Variants in ST8SIA6 observed in about 807,000 individuals in gnomAD.
ST8SIA6 encodes ST8 alpha-N-acetyl-neuraminide alpha-2,8-sialyltransferase 6, also known as alpha-2,8-sialyltransferase 8F.
Under a neutral mutation model 33.6 loss-of-function variants are expected in ST8SIA6, and 39 were observed. The observed-to-expected ratio is 1.16, with a 90% CI of 0.90 to 1.52. The LOEUF (loss-of-function observed/expected upper bound fraction) is 1.52. Ranked by LOEUF, ST8SIA6 falls within the 40% of genes most tolerant of loss-of-function variation. ST8SIA6 has a pLI of 0.00. For missense variants in ST8SIA6, 441 were observed against 443.8 expected, an observed-to-expected ratio of 0.99 and a Z score of 0.06; for synonymous variants, 172 against 167.2, an observed-to-expected ratio of 1.03 and a Z score of -0.22.
intron 4 of ST8SIA6, among the ~76,000 whole-genome samples, chr10:17,344,917 T>C (rs911759358): frequency 1.3e-5 from 2 of 152,190 alleles, no homozygotes; most frequent in African/African-American, 2.4e-5. Flanking sequence ...AAAGATAGGA[T>C]ATCTTTTCAC....
intron 2 of ST8SIA6, among the ~76,000 whole-genome samples, chr10:17,440,130 C>T (rs914460188): frequency 6.6e-6 from 1 of 152,066 alleles, no homozygotes; most frequent in African/African-American, 2.4e-5. Flanking sequence ...AATTACTCCA[C>T]AACTCCTGGA....
intron 3 of ST8SIA6, among the ~76,000 whole-genome samples, chr10:17,376,141 G>T (rs1849910669): frequency 6.6e-6 from 1 of 152,152 alleles, no homozygotes; most frequent in Non-Finnish European, 1.5e-5. Flanking sequence ...GTCCCAGATG[G>T]CAGAGAATGG....
Position 17,388,680 on chromosome 10 carries a change from G to C in ST8SIA6, c.290+1851C>G, listed in dbSNP as rs575081957. On this transcript the variant is annotated intron_variant, in intron 3 of 7. Transcript: ENST00000377602. ...TAACTGAGGAAATTATGACATGAAAGAAATCAGACCTAACTGACTACATCT... is the reference window on the plus strand; with the variant it reads ...TAACTGAGGAAATTATGACATGAAACAAATCAGACCTAACTGACTACATCT... Among the ~76,000 whole-genome samples the C allele has an allele frequency of 1.2e-4, 19 of 152,260 alleles. No homozygotes were observed. The East Asian group carries it at 3.3e-3, about 26-fold the overall frequency.
At chr10:17,334,266 G>A (rs774701011) in intron 4 of ST8SIA6, among the ~76,000 whole-genome samples, 10 of 151,776 alleles carry the variant, frequency 6.6e-5, no homozygotes, top group East Asian at 5.8e-4. Context: ...CAGGCTGGGC[G>A]CGGTGGCTCA....
intron 3 of ST8SIA6, among the ~76,000 whole-genome samples, chr10:17,378,957 A>T (rs7081981): frequency 0.42 from 63,193 of 151,614 alleles, 14,116 homozygotes; most frequent in African/African-American, 0.59. Flanking sequence ...AAACCCCGTT[A>T]CTACTAAAAA....
At chr10:17,415,960 A>G (rs892461920) in intron 2 of ST8SIA6, among the ~76,000 whole-genome samples, 1 of 151,528 alleles carries the variant, frequency 6.6e-6, no homozygotes, top group Non-Finnish European at 1.5e-5. Flanking sequence ...CAGGTGCGCC[A>G]CCGTGCTCAG....
chr10:17,417,819 AG>A (rs1851651349), intron 2 of ST8SIA6, among the ~76,000 whole-genome samples: 1 of 152,192 alleles, frequency 6.6e-6, no homozygotes, highest in South Asian at 2.1e-4. Context: ...GAGAGTTGAC[AG>A]GGAATTAATA....
chr10:17,338,098 G>A (rs1177559402), intron 4 of ST8SIA6, among the ~76,000 whole-genome samples: 3 of 147,300 alleles, frequency 2.0e-5, no homozygotes, highest in Non-Finnish European at 4.5e-5. Context: ...GCAATGGCGC[G>A]ATCTCAGCTC....
At position 17,442,558 on chromosome 10, in the gene ST8SIA6, A is replaced by G. The variant is rs190325519; in HGVS notation, c.200+11001T>C. Among the ~76,000 whole-genome samples, 17 of 152,306 alleles carry G rather than the reference A, an allele frequency of 1.1e-4. No homozygotes were observed. The East Asian group carries it at 3.3e-3, about 29-fold the overall frequency. ...TCTGTAGCTTTTCAAAGAGTGTTCA[A>G]AATCCTACAGAAGCGAGTGCTAGCA... On this transcript the variant is annotated intron_variant, in intron 2 of 7. Transcript: ENST00000377602.
intron 2 of ST8SIA6, among the ~76,000 whole-genome samples, chr10:17,391,082 T>A (rs1850586402): frequency 6.6e-6 from 1 of 152,078 alleles, no homozygotes; most frequent in Admixed American, 6.6e-5. Flanking sequence ...GGTCTGGAAC[T>A]CTCGACCTTA....
chr10:17,338,025 A>C (rs1848559408), intron 4 of ST8SIA6, among the ~76,000 whole-genome samples: 1 of 120,386 alleles, frequency 8.3e-6, no homozygotes, highest in African/African-American at 3.3e-5. Context: ...GGCAGAAAAT[A>C]CTATTCTTTT....
chr10:17,339,942 C>G (rs1399218133), intron 4 of ST8SIA6, among the ~76,000 whole-genome samples: 2 of 152,158 alleles, frequency 1.3e-5, no homozygotes, highest in Non-Finnish European at 2.9e-5. Flanking sequence ...TTGTCTCTGC[C>G]TTTATAGTGT....
intron 3 of ST8SIA6, among the ~76,000 whole-genome samples, chr10:17,367,926 C>G (rs984082624): frequency 1.2e-4 from 18 of 152,176 alleles, no homozygotes; most frequent in African/African-American, 4.1e-4. Context: ...CACACATAAG[C>G]AGAGCTGACC....
chr10:17,402,608 G>A (rs1372870291), intron 2 of ST8SIA6, among the ~76,000 whole-genome samples: 1 of 152,170 alleles, frequency 6.6e-6, no homozygotes, highest in Non-Finnish European at 1.5e-5. Flanking sequence ...AAAAGGACGA[G>A]TTCATGTCCT....
chr10:17,368,751 G>C (rs1252708635), intron 3 of ST8SIA6, among the ~76,000 whole-genome samples: 1 of 152,066 alleles, frequency 6.6e-6, no homozygotes, highest in African/African-American at 2.4e-5. Flanking sequence ...GACCATTCTG[G>C]GCAAAATGAA....
At chr10:17,365,492 C>G (rs1176738146) in intron 3 of ST8SIA6, among the ~76,000 whole-genome samples, 1 of 152,166 alleles carries the variant, frequency 6.6e-6, no homozygotes, top group Non-Finnish European at 1.5e-5. Flanking sequence ...AGTTTAAAAT[C>G]GTGGACTGCT....
At chr10:17,383,534 T>C (rs1022068490) in intron 3 of ST8SIA6, among the ~76,000 whole-genome samples, 1 of 152,240 alleles carries the variant, frequency 6.6e-6, no homozygotes, top group Non-Finnish European at 1.5e-5. Flanking sequence ...AGATAAATTT[T>C]CTTGTCAATT....
chr10:17,446,281 TA>T (rs1295081169), intron 2 of ST8SIA6, among the ~76,000 whole-genome samples: 4 of 152,208 alleles, frequency 2.6e-5, no homozygotes, highest in Non-Finnish European at 5.9e-5. Context: ...AGGAGGAGGC[TA>T]TTGCTCTTAA....
chr10:17,412,407 G>A (rs960421537), intron 2 of ST8SIA6, among the ~76,000 whole-genome samples: 1 of 152,162 alleles, frequency 6.6e-6, no homozygotes, highest in Non-Finnish European at 1.5e-5. Context: ...TCTGAAGCAG[G>A]TACCAAATTT....
Sources: gnomAD v4.1 joint callset for allele counts (sites outside exome capture counted in the v4.1 genomes callset) on GRCh38, gnomAD v4.1.1 for gene constraint, MANE v1.5 for transcripts, NCBI Gene and HGNC (gene_info 2026-07-23, HGNC 2026-07-21) for gene names.